PHLDB2: variants seen among roughly 807,000 people sequenced by gnomAD.
PHLDB2 encodes pleckstrin homology like domain family B member 2.
Under a neutral mutation model 123.6 loss-of-function variants are expected in PHLDB2, and 71 were observed. The observed-to-expected ratio is 0.57, with a 90% CI of 0.47 to 0.70. PHLDB2 has a LOEUF of 0.70. PHLDB2 is among the 30% of genes least tolerant of loss of function. PHLDB2 has a pLI of 0.00. For synonymous variants in PHLDB2, 547 were observed against 541.6 expected, an observed-to-expected ratio of 1.01 and a Z score of -0.14; for missense variants, 1,446 against 1,519.5, an observed-to-expected ratio of 0.95 and a Z score of 0.80.
intron 12 of PHLDB2, among the ~76,000 whole-genome samples, chr3:111,959,509 A>G (rs1038364837): frequency 3.3e-5 from 5 of 152,244 alleles, no homozygotes; most frequent in African/African-American, 7.2e-5. Flanking sequence ...TAAAATGCTT[A>G]TCCTACCACC....
chr3:111,969,681 CT>C lies in PHLDB2; in HGVS notation c.3316-5del. On this transcript the variant is annotated splice_polypyrimidine_tract_variant and splice_region_variant and intron_variant, in intron 15 of 17. Coordinates refer to ENST00000431670, the MANE Select transcript of PHLDB2 (RefSeq NM_001134438.2). The stretch of plus-strand genomic sequence containing the variant: ...AGCTATAGATGCAATGGGTTTTGCA[CT>C]TTTCCAGGCTCGTCCTTTGACACGC... 6.2e-7 allele frequency: 1 copy of C among 1,612,478 alleles called. No homozygotes were observed. Among genetic ancestry groups the C allele is most frequent in the Non-Finnish European group, 8.5e-7 (1 of 1,178,786 alleles).
chr3:111,776,591 C>T (rs1008991279), intron 1 of PHLDB2, among the ~76,000 whole-genome samples: 1 of 152,048 alleles, frequency 6.6e-6, no homozygotes, highest in Admixed American at 6.6e-5. Flanking sequence ...ACATCATATT[C>T]TAGAAAACTG....
At chr3:111,750,629 C>T (rs2059752899) in intron 1 of PHLDB2, among the ~76,000 whole-genome samples, 1 of 152,074 alleles carries the variant, frequency 6.6e-6, no homozygotes, top group Non-Finnish European at 1.5e-5. Context: ...TAAAAAGACT[C>T]ACATATGAGA....
intron 1 of PHLDB2, among the ~76,000 whole-genome samples, chr3:111,740,718 G>GC (rs992805716): frequency 2.0e-5 from 3 of 151,668 alleles, no homozygotes; most frequent in East Asian, 1.9e-4. Flanking sequence ...CCCTTGGCTT[G>GC]CCCCCCCACC....
intron 1 of PHLDB2, among the ~76,000 whole-genome samples, chr3:111,811,138 AG>A (rs1372860484): frequency 2.0e-5 from 3 of 152,216 alleles, no homozygotes; most frequent in Non-Finnish European, 4.4e-5. Context: ...ATTTCTCAGG[AG>A]GATTTAAGTA....
chr3:111,768,171 T>G (rs2060114669), intron 1 of PHLDB2, among the ~76,000 whole-genome samples: 1 of 152,202 alleles, frequency 6.6e-6, no homozygotes, highest in South Asian at 2.1e-4. Flanking sequence ...TCAGGCAAAC[T>G]ACCCAATTTC....
At chr3:111,760,777 A>G (rs904965569) in intron 1 of PHLDB2, among the ~76,000 whole-genome samples, 2 of 152,058 alleles carry the variant, frequency 1.3e-5, no homozygotes, top group Non-Finnish European at 2.9e-5. Context: ...CTGAAGCAAT[A>G]ATTTTCTCCA....
chr3:111,924,378 TG>T (rs1317872778), intron 5 of PHLDB2, among the ~76,000 whole-genome samples: 2 of 152,266 alleles, frequency 1.3e-5, no homozygotes, highest in African/African-American at 4.8e-5. Context: ...CCGTAGCATG[TG>T]CCAGGCAGGA....
rs1046748686 is a variant in PHLDB2, at chr3:111,876,402, A to G, written c.-14-7662A>G. Among the ~76,000 whole-genome samples, 3 of 152,168 alleles carry G rather than the reference A, an allele frequency of 2.0e-5. No individual in the cohort carries two copies. In the East Asian group the frequency reaches 5.8e-4, roughly 29 times the overall value. ...CTTTTTACTCCCCCAAAACTTAACT[A>G]CTGTTAGTTTACCATTGACTAGAAG... On this transcript the variant is annotated intron_variant, in intron 1 of 17. Coordinates refer to ENST00000431670, the MANE Select transcript of PHLDB2 (RefSeq NM_001134438.2).
At chr3:111,815,967 C>A (rs2062056345) in intron 1 of PHLDB2, among the ~76,000 whole-genome samples, 1 of 152,162 alleles carries the variant, frequency 6.6e-6, no homozygotes, top group African/African-American at 2.4e-5. Context: ...CTGAAAGGAG[C>A]CAACATAGAG....
At chr3:111,909,665 G>A (rs1250710829) in intron 2 of PHLDB2, among the ~76,000 whole-genome samples, 2 of 151,820 alleles carry the variant, frequency 1.3e-5, no homozygotes, top group Non-Finnish European at 2.9e-5. Context: ...CACGTTACTA[G>A]ACAATAAGTA....
At chr3:111,953,169 T>G (rs1198063459) in intron 11 of PHLDB2, among the ~76,000 whole-genome samples, 2 of 152,164 alleles carry the variant, frequency 1.3e-5, no homozygotes, top group Non-Finnish European at 2.9e-5. Context: ...GTTGTATGTA[T>G]GGATAAACTG....
chr3:111,940,157 G>A (rs2069775125), intron 7 of PHLDB2, among the ~76,000 whole-genome samples: 1 of 152,124 alleles, frequency 6.6e-6, no homozygotes, highest in African/African-American at 2.4e-5. Context: ...ATTGAGGAAA[G>A]GAAAGACAAG....
chr3:111,865,068 C>A lies in PHLDB2; in HGVS notation c.-15+5492C>A, dbSNP rs148557635. On this transcript the variant is annotated intron_variant, in intron 1 of 17. Transcript: ENST00000431670. ...AGGAAAGATAAAGGCAAAAGAAACCCAGCTCCTACATTCTTTTGACCAGTG... is the reference window on the plus strand; with the variant it reads ...AGGAAAGATAAAGGCAAAAGAAACCAAGCTCCTACATTCTTTTGACCAGTG... 3.1e-3 allele frequency among the ~76,000 whole-genome samples: 471 copies of A among 152,314 alleles called. 5 individuals are homozygous for A. The highest frequency in any genetic ancestry group is 0.011 in the African/African-American group (445 of 41,566).
intron 3 of PHLDB2, chr3:111,914,081 A>T (rs77667825): frequency 0.039 from 7,131 of 181,840 alleles, 509 homozygotes; most frequent in African/African-American, 0.15. Context: ...ACACACACAT[A>T]GTGTTCTGTA....
chr3:111,959,909 C>G (rs2071290430), intron 12 of PHLDB2, among the ~76,000 whole-genome samples: 1 of 152,188 alleles, frequency 6.6e-6, no homozygotes, highest in South Asian at 2.1e-4. Flanking sequence ...GTGGCAATGT[C>G]ACTCATTGCC....
At chr3:111,925,919 A>T (rs1178152194) in intron 5 of PHLDB2, among the ~76,000 whole-genome samples, 1 of 152,264 alleles carries the variant, frequency 6.6e-6, no homozygotes, top group Non-Finnish European at 1.5e-5. Context: ...TAGCGCACAA[A>T]AATCAAGTCA....
At position 111,884,504 on chromosome 3, in the gene PHLDB2, T is replaced by C. The variant is rs200453794; in HGVS notation, c.427T>C (p.Ser143Pro). The change falls in exon 2 of 18, where the codon TCA becomes CCA. Residue 143 changes from serine (S) to proline (P), a missense_variant. Physicochemically the swap from Ser to Pro is moderately conservative, Grantham distance 74. This residue lies in a region of PHLDB2 where 832 missense variants were observed against 831.9 expected (regional missense o/e 1.00). Coordinates refer to ENST00000431670, the MANE Select transcript of PHLDB2 (RefSeq NM_001134438.2). ...GGACAGTGAAAGGGCCTTGAGGCTCTCAGAGAAGCCTCCCTATTCCAAATA... is the reference window on the plus strand; with the variant it reads ...GGACAGTGAAAGGGCCTTGAGGCTCCCAGAGAAGCCTCCCTATTCCAAATA... ...GRDSERALRL[S>P]EKPPYSKYSS... is the part of the protein sequence containing the mutation. 1.2e-6 allele frequency: 2 copies of C among 1,614,124 alleles called. No homozygotes were observed. The highest frequency in any genetic ancestry group is 1.7e-6 in the Non-Finnish European group (2 of 1,179,954).
intron 2 of PHLDB2, among the ~76,000 whole-genome samples, chr3:111,853,381 C>T (rs2064344780): frequency 6.6e-6 from 1 of 152,054 alleles, no homozygotes; most frequent in African/African-American, 2.4e-5. Context: ...TTTAGAGAGA[C>T]AATTTATCTA....
Sources: gnomAD v4.1 joint callset for allele counts (sites outside exome capture counted in the v4.1 genomes callset) on GRCh38, gnomAD v4.1.1 for gene constraint, gnomAD v4.1.1 regional missense constraint, MANE v1.5 for transcripts, NCBI Gene and HGNC (gene_info 2026-07-23, HGNC 2026-07-21) for gene names.